ZFAND6: variants seen among roughly 807,000 people sequenced by gnomAD.
The protein encoded by ZFAND6 is zinc finger AN1-type containing 6.
In ZFAND6, 12 loss-of-function variants were observed where a neutral mutation model predicts 24.5. The observed-to-expected ratio is 0.49, with a 90% CI of 0.31 to 0.79. The LOEUF (loss-of-function observed/expected upper bound fraction) is 0.79, where lower values mean the gene tolerates loss of function less well. Among genes scored for constraint, ZFAND6 ranks in the 30% least tolerant of loss-of-function variants. ZFAND6 has a pLI of 0.04. For synonymous variants in ZFAND6, 92 were observed against 81.5 expected (o/e 1.13, Z -0.69); for missense variants, 207 against 245.9 (o/e 0.84, Z 1.06).
chr15:80,076,638 G>T (rs1009738432), intron 1 of ZFAND6, among the ~76,000 whole-genome samples: 1 of 152,172 alleles, frequency 6.6e-6, no homozygotes, highest in Non-Finnish European at 1.5e-5. Context: ...TTTCGAACCA[G>T]TAAGTCAATT....
intron 1 of ZFAND6, among the ~76,000 whole-genome samples, chr15:80,084,526 T>A (rs2037875126): frequency 6.6e-6 from 1 of 152,182 alleles, no homozygotes; most frequent in South Asian, 2.1e-4. Flanking sequence ...TGTAATGGCA[T>A]AAAAGGGTTA....
At chr15:80,076,110 CTTA>C (rs1328528862) in intron 1 of ZFAND6, among the ~76,000 whole-genome samples, 1 of 152,082 alleles carries the variant, frequency 6.6e-6, no homozygotes. Context: ...GCATTTTGTT[CTTA>C]ACTCTTCTCT....
chr15:80,076,567 A>T (rs111680864), intron 1 of ZFAND6, among the ~76,000 whole-genome samples: 1 of 152,182 alleles, frequency 6.6e-6, no homozygotes, highest in Non-Finnish European at 1.5e-5. Flanking sequence ...GAAGAATAAC[A>T]CCAGCTGATT....
intron 1 of ZFAND6, among the ~76,000 whole-genome samples, chr15:80,094,737 T>C (rs1448383465): frequency 6.6e-6 from 1 of 152,152 alleles, no homozygotes; most frequent in Non-Finnish European, 1.5e-5. Flanking sequence ...TATGCAGTTA[T>C]CTAATACACA....
chr15:80,111,488 C>T (rs1228197265), intron 2 of ZFAND6: 1 of 455,694 alleles, frequency 2.2e-6, no homozygotes, highest in Non-Finnish European at 4.4e-6. Context: ...CCGGTAGCCA[C>T]CTAAGATAGG....
chr15:80,103,779 C>A (rs544716676), intron 2 of ZFAND6, among the ~76,000 whole-genome samples: 1 of 152,310 alleles, frequency 6.6e-6, no homozygotes, highest in East Asian at 1.9e-4. Flanking sequence ...AGAACAAAAG[C>A]AGACACTTAG....
chr15:80,133,444 C>G (rs1455962829), intron 6 of ZFAND6, among the ~76,000 whole-genome samples: 1 of 152,160 alleles, frequency 6.6e-6, no homozygotes, highest in African/African-American at 2.4e-5. Context: ...ATCCACCCAC[C>G]TCAGCCTCCC....
At chr15:80,073,219 A>G in intron 1 of ZFAND6, 1 of 224,528 alleles carries the variant, frequency 4.5e-6, no homozygotes, top group Non-Finnish European at 9.5e-6. Flanking sequence ...GAACAAAGTG[A>G]AACTGCTTTC....
intron 1 of ZFAND6, among the ~76,000 whole-genome samples, chr15:80,069,090 C>A (rs949214367): frequency 3.0e-4 from 46 of 152,118 alleles, no homozygotes; most frequent in Admixed American, 3.0e-3. Flanking sequence ...AATGAGTCTT[C>A]GTCTTTTATG....
chr15:80,072,353 G>GT (rs1344489097), intron 1 of ZFAND6, among the ~76,000 whole-genome samples: 2 of 152,126 alleles, frequency 1.3e-5, no homozygotes, highest in East Asian at 3.8e-4. Flanking sequence ...TAAGCAAACA[G>GT]TATATGATGG....
At chr15:80,116,010 G>A (rs1013119640) in intron 2 of ZFAND6, among the ~76,000 whole-genome samples, 5 of 151,708 alleles carry the variant, frequency 3.3e-5, no homozygotes, top group Non-Finnish European at 7.4e-5. Context: ...TTGTTAATAA[G>A]CAGTATAGCA....
intron 1 of ZFAND6, among the ~76,000 whole-genome samples, chr15:80,086,679 T>C (rs913112209): frequency 6.6e-6 from 1 of 152,174 alleles, no homozygotes; most frequent in Non-Finnish European, 1.5e-5. Context: ...TACATAAAAT[T>C]TACCATTTAA....
chr15:80,135,628 A>G (rs2040827103), intron 6 of ZFAND6, among the ~76,000 whole-genome samples: 1 of 152,258 alleles, frequency 6.6e-6, no homozygotes, highest in Non-Finnish European at 1.5e-5. Flanking sequence ...AAAGGAAGTT[A>G]GAGTTTAATA....
At chr15:80,061,110 T>C (rs964661442) in intron 1 of ZFAND6, among the ~76,000 whole-genome samples, 2 of 152,226 alleles carry the variant, frequency 1.3e-5, no homozygotes, top group Non-Finnish European at 2.9e-5. Flanking sequence ...TCCAGAGCCC[T>C]AGGGGAAATG....
intron 2 of ZFAND6, among the ~76,000 whole-genome samples, chr15:80,107,885 G>C (rs2039418660): frequency 6.6e-6 from 1 of 151,532 alleles, no homozygotes; most frequent in South Asian, 2.1e-4. Flanking sequence ...GCAGCGGGGA[G>C]GGGGAAGGAC....
At chr15:80,122,980 C>A (rs2040213408) in intron 5 of ZFAND6, 180 bp downstream of exon 5, 2 of 507,306 alleles carry the variant, frequency 3.9e-6, no homozygotes, top group Non-Finnish European at 7.0e-6. Flanking sequence ...TTCACACTTA[C>A]ATGTAATTTT....
chr15:80,110,355 G>C (rs984166981), intron 2 of ZFAND6, among the ~76,000 whole-genome samples: 3 of 151,844 alleles, frequency 2.0e-5, no homozygotes, highest in Non-Finnish European at 4.4e-5. Flanking sequence ...AAATACCTAG[G>C]AATATCCAAA....
chr15:80,086,225 A>G (rs1324074433), intron 1 of ZFAND6, among the ~76,000 whole-genome samples: 1 of 151,846 alleles, frequency 6.6e-6, no homozygotes, highest in Non-Finnish European at 1.5e-5. Context: ...TTTAGTAGAG[A>G]TGGGATTTCT....
intron 1 of ZFAND6, among the ~76,000 whole-genome samples, chr15:80,087,992 A>G (rs1033352621): frequency 3.3e-5 from 5 of 152,198 alleles, no homozygotes; most frequent in African/African-American, 7.2e-5. Context: ...ACTTCAGTAT[A>G]TATTTCCATA....
Sources: allele counts gnomAD v4.1 joint callset (sites outside exome capture counted in the v4.1 genomes callset), GRCh38; gene constraint gnomAD v4.1.1; transcripts MANE v1.5; gene names NCBI Gene and HGNC (gene_info 2026-07-23, HGNC 2026-07-21).